Variants in PARD3B observed in about 807,000 individuals in gnomAD.
PARD3B encodes the protein par-3 family cell polarity regulator beta.
Under a neutral mutation model 130.2 loss-of-function variants are expected in PARD3B, and 103 were observed. The ratio of observed to expected loss-of-function variants is 0.79; its 90% CI spans 0.67 to 0.93. PARD3B has a LOEUF of 0.93. Ranked by LOEUF, PARD3B falls within the 40% of genes least tolerant of loss-of-function variation. The pLI, the probability that PARD3B is intolerant of heterozygous loss-of-function variation, is 0.00. For missense variants in PARD3B, 1,609 were observed against 1,499.2 expected (o/e 1.07, Z -1.21); for synonymous variants, 583 against 553.2 (o/e 1.05, Z -0.76).
intron 1 of PARD3B, among the ~76,000 whole-genome samples, chr2:204,601,557 T>A (rs2033515110): frequency 6.6e-6 from 1 of 152,018 alleles, no homozygotes; most frequent in Non-Finnish European, 1.5e-5. Flanking sequence ...ATAAATAGGC[T>A]TCCCAAAATG....
At chr2:205,365,141 A>G (rs1376208113) in intron 18 of PARD3B, among the ~76,000 whole-genome samples, 1 of 150,858 alleles carries the variant, frequency 6.6e-6, no homozygotes, top group East Asian at 2.0e-4. Flanking sequence ...CGGAGGTTGC[A>G]GTGAGCTGAG....
intron 2 of PARD3B, among the ~76,000 whole-genome samples, chr2:204,909,999 T>C (rs1179584570): frequency 6.6e-6 from 1 of 152,076 alleles, no homozygotes; most frequent in Non-Finnish European, 1.5e-5. Context: ...ATGACAGGAT[T>C]GTGTGTATAA....
chr2:205,093,710 C>T (rs1237809249), intron 4 of PARD3B, among the ~76,000 whole-genome samples: 1 of 152,094 alleles, frequency 6.6e-6, no homozygotes, highest in Admixed American at 6.6e-5. Flanking sequence ...CTATTGATAA[C>T]CAATAGATTA....
chr2:205,568,918 A>G lies in PARD3B; in HGVS notation c.3260+15515A>G, dbSNP rs1479054018. Among the ~76,000 whole-genome samples, 1 of 152,204 alleles carries G rather than the reference A, an allele frequency of 6.6e-6. No individual in the cohort carries two copies. Among genetic ancestry groups the G allele is most frequent in the East Asian group, 1.9e-4 (1 of 5,198 alleles). On this transcript the variant is annotated intron_variant, in intron 22 of 22. Transcript: ENST00000406610. This position sits in a 1 kb window ranked among gnomAD's most constrained non-coding sequence, Gnocchi z 5.3. ...GTATGTGTCATAAGTCAAACAGGCT[A>G]CAGGATAAATTCCTAGCATGTAATT...
At chr2:205,139,810 A>G (rs2125669423) in intron 10 of PARD3B, among the ~76,000 whole-genome samples, 1 of 152,350 alleles carries the variant, frequency 6.6e-6, no homozygotes, top group Non-Finnish European at 1.5e-5. Flanking sequence ...TCTAAAACAG[A>G]AACCAAATAA....
rs1391831622 is a variant in PARD3B at position 204,606,944 on chromosome 2, A to C, written c.120+60825A>C. 6.6e-6 allele frequency among the ~76,000 whole-genome samples: 1 copy of C among 152,154 alleles called. No homozygotes were observed. Among genetic ancestry groups the C allele is most frequent in the African/African-American group, 2.4e-5 (1 of 41,446 alleles). On this transcript the variant is annotated intron_variant, in intron 1 of 22. Coordinates refer to ENST00000406610, the MANE Select transcript of PARD3B (RefSeq NM_001302769.2). This position sits in a 1 kb window ranked among gnomAD's most constrained non-coding sequence, Gnocchi z 4.0. ...CTTTTTCATATATTTACCTTTAAAG[A>C]AAGACATTGTTTTCTTGCACCTGTC...
chr2:205,178,677 T>C (rs1027671443), intron 13 of PARD3B, among the ~76,000 whole-genome samples: 1 of 151,958 alleles, frequency 6.6e-6, no homozygotes, highest in Non-Finnish European at 1.5e-5. Context: ...GCCCAGTGTC[T>C]GTCTAAGTCT....
intron 11 of PARD3B, among the ~76,000 whole-genome samples, chr2:205,164,518 G>C (rs1403685491): frequency 6.6e-6 from 1 of 151,634 alleles, no homozygotes; most frequent in Non-Finnish European, 1.5e-5. Context: ...TTTTCTTGCT[G>C]ATCTTTATCA....
chr2:205,070,455 T>C (rs1408137685), intron 4 of PARD3B, among the ~76,000 whole-genome samples: 2 of 151,932 alleles, frequency 1.3e-5, no homozygotes, highest in African/African-American at 4.8e-5. Flanking sequence ...AACCAACCAG[T>C]TGTCTCTGAG....
At chr2:205,453,677 T>G (rs1283412571) in intron 20 of PARD3B, among the ~76,000 whole-genome samples, 3 of 152,202 alleles carry the variant, frequency 2.0e-5, no homozygotes, top group Non-Finnish European at 4.4e-5. Flanking sequence ...TTTTTCAAAC[T>G]TCATGTTACA....
At position 205,266,638 on chromosome 2, in the gene PARD3B, CTT is replaced by C. The variant is rs556075410; in HGVS notation, c.2185+20819_2185+20820del. ...TATTTTCTGTTGCATTCTTGTGTCTCTTTTGACCTTTCTCCCTTGCTTCACTC... is the reference window on the plus strand; with the variant it reads ...TATTTTCTGTTGCATTCTTGTGTCTCTTGACCTTTCTCCCTTGCTTCACTC... On this transcript the variant is annotated intron_variant, in intron 16 of 22. Coordinates refer to ENST00000406610, the MANE Select transcript of PARD3B (RefSeq NM_001302769.2). 2.4e-3 allele frequency among the ~76,000 whole-genome samples: 369 copies of C among 152,228 alleles called. 2 individuals carry two copies. Among genetic ancestry groups the C allele is most frequent in the African/African-American group, 8.4e-3 (349 of 41,570 alleles).
rs751241761 is a variant in PARD3B at position 205,321,538 on chromosome 2, G to A, written c.2630+19837G>A. ...TATATGCACAAATGCAGGCATGCAT[G>A]CATTTTTCTCTTAATAACTTAACAG... On this transcript the variant is annotated intron_variant, in intron 18 of 22. Transcript: ENST00000406610. The surrounding 1 kb of genome is among the most constrained non-coding windows in gnomAD (Gnocchi z 4.2). 2.0e-5 allele frequency among the ~76,000 whole-genome samples: 3 copies of A among 151,616 alleles called. No homozygotes were observed. The highest frequency in any genetic ancestry group is 2.4e-5 in the African/African-American group (1 of 41,236).
At chr2:205,408,085 A>T (rs150662245) in intron 19 of PARD3B, among the ~76,000 whole-genome samples, 1 of 152,196 alleles carries the variant, frequency 6.6e-6, no homozygotes, top group Non-Finnish European at 1.5e-5. Flanking sequence ...GCTAAGATTT[A>T]GGAAAGTTAA....
intron 3 of PARD3B, among the ~76,000 whole-genome samples, chr2:205,031,415 T>C (rs1697414852): frequency 6.6e-6 from 1 of 152,136 alleles, no homozygotes; most frequent in Non-Finnish European, 1.5e-5. Flanking sequence ...TTGGTTTGCT[T>C]ACCCTGAGAA....
chr2:204,820,830 A>AAAGC (rs1553534769), intron 2 of PARD3B, among the ~76,000 whole-genome samples: 1 of 151,726 alleles, frequency 6.6e-6, no homozygotes, highest in Non-Finnish European at 1.5e-5. Context: ...AACAAAAACA[A>AAAGC]AAACAAACAA....
intron 3 of PARD3B, among the ~76,000 whole-genome samples, chr2:205,018,749 A>AAAAAAAAAAAAAAC (rs1559359658): frequency 8.3e-6 from 1 of 120,026 alleles, no homozygotes; most frequent in African/African-American, 2.9e-5. Context: ...AAAAAAAAAA[A>AAAAAAAAAAAAAAC]AGCACGCTGA....
intron 2 of PARD3B, among the ~76,000 whole-genome samples, chr2:204,705,678 G>A (rs1265652985): frequency 6.6e-6 from 1 of 152,252 alleles, no homozygotes; most frequent in East Asian, 1.9e-4. Context: ...ATAGTAAGCT[G>A]GGGAGGAGAA....
At chr2:204,856,713 A>G (rs748125097) in intron 2 of PARD3B, among the ~76,000 whole-genome samples, 11 of 152,134 alleles carry the variant, frequency 7.2e-5, no homozygotes, top group Non-Finnish European at 1.3e-4. Flanking sequence ...ATTTTTGAAT[A>G]TGTTGTGAGA....
chr2:205,314,120 T>C (rs188725434), intron 18 of PARD3B, among the ~76,000 whole-genome samples: 2 of 152,332 alleles, frequency 1.3e-5, no homozygotes, highest in Admixed American at 1.3e-4. Context: ...TACTATTAGA[T>C]AATGACATGT....
Sources: gnomAD v4.1 joint callset for allele counts (sites outside exome capture counted in the v4.1 genomes callset) on GRCh38, gnomAD v4.1.1 for gene constraint, Gnocchi (gnomAD v3.1) non-coding constraint, MANE v1.5 for transcripts, NCBI Gene and HGNC (gene_info 2026-07-23, HGNC 2026-07-21) for gene names.